Variants in SUPT20H observed in about 807,000 individuals in gnomAD.
SUPT20H encodes transcription factor SPT20 homolog.
In SUPT20H, 82 loss-of-function variants were observed where a neutral mutation model predicts 122.8. The observed-to-expected ratio is 0.67, with a 90% CI of 0.56 to 0.80. The LOEUF is 0.80. Ranked by LOEUF, SUPT20H falls within the 30% of genes least tolerant of loss-of-function variation. The pLI is 0.00. For missense variants in SUPT20H, 831 were observed against 921.6 expected, an observed-to-expected ratio of 0.90 and a Z score of 1.27; for synonymous variants, 291 against 313.0, an observed-to-expected ratio of 0.93 and a Z score of 0.74.
intron 1 of SUPT20H, among the ~76,000 whole-genome samples, chr13:37,055,182 G>A (rs145265825): frequency 8.8e-4 from 134 of 152,236 alleles, no homozygotes; most frequent in African/African-American, 2.9e-3. Context: ...CGTGAAAATC[G>A]CCATATTGCT....
At chr13:37,012,593 C>T (rs540304230) in intron 23 of SUPT20H, 1 of 197,930 alleles carries the variant, frequency 5.1e-6, no homozygotes, top group East Asian at 1.2e-4. Flanking sequence ...CTTAAAACAC[C>T]CTTTGTAACA....
intron 20 of SUPT20H, 33 bp downstream of exon 20, chr13:37,021,977 TA>T (rs771276481): frequency 1.7e-3 from 2,272 of 1,363,802 alleles, no homozygotes; most frequent in South Asian, 4.4e-3. Flanking sequence ...ACTATCTTTA[TA>T]AAAAAAAAAT....
chr13:37,026,550 T>C (rs1299869299), intron 15 of SUPT20H, among the ~76,000 whole-genome samples: 2 of 152,096 alleles, frequency 1.3e-5, no homozygotes, highest in South Asian at 2.1e-4. Context: ...CTTACAACTA[T>C]TGATCCTAAA....
At chr13:37,054,144 A>G (rs1566374051) in intron 1 of SUPT20H, among the ~76,000 whole-genome samples, 1 of 152,206 alleles carries the variant, frequency 6.6e-6, no homozygotes. Context: ...CCAACCAAAA[A>G]AAGTCCAGGA....
At chr13:37,042,350 G>T (rs2065627617) in intron 7 of SUPT20H, among the ~76,000 whole-genome samples, 3 of 152,146 alleles carry the variant, frequency 2.0e-5, no homozygotes, top group Admixed American at 2.0e-4. Context: ...GAATGGCCAT[G>T]GTGAGGCATA....
At chr13:37,038,284 A>T (rs2064873464) in intron 9 of SUPT20H, 1 of 152,110 alleles carries the variant, frequency 6.6e-6, no homozygotes, top group Non-Finnish European at 1.5e-5. Flanking sequence ...AAAGTCTATC[A>T]TTTCTTTTGC....
chr13:37,047,939 A>G lies in SUPT20H; in HGVS notation c.40-3T>C. On this transcript the variant is annotated splice_region_variant and splice_polypyrimidine_tract_variant and intron_variant, in intron 3 of 25. Transcript: ENST00000350612. ...TGTCGGGCACTTTCAATGACATACT[A>G]AAAAACAAAAGTTTATGAGAACAGC... 6.2e-7 allele frequency: 1 copy of G among 1,600,214 alleles called. No homozygotes were observed. The highest frequency in any genetic ancestry group is 8.5e-7 in the Non-Finnish European group (1 of 1,173,194).
intron 1 of SUPT20H, among the ~76,000 whole-genome samples, chr13:37,056,351 A>T (rs2069026249): frequency 6.6e-6 from 1 of 152,230 alleles, no homozygotes; most frequent in Non-Finnish European, 1.5e-5. Flanking sequence ...AGTAGCAAAG[A>T]CTTGGAACCA....
At chr13:37,023,181 T>C (rs770831928) in intron 19 of SUPT20H, 61 of 846,436 alleles carry the variant, frequency 7.2e-5, no homozygotes, top group Non-Finnish European at 9.0e-5. Context: ...TTCAGAAAAT[T>C]TATATATTTT....
intron 4 of SUPT20H, 58 bp downstream of exon 4, chr13:37,047,820 A>G (rs1298963410): frequency 1.3e-6 from 2 of 1,488,288 alleles, no homozygotes; most frequent in East Asian, 4.8e-5. Flanking sequence ...AATGCAATAA[A>G]AGGTAGCTAT....
chr13:37,047,744 C>T (rs986429329), intron 4 of SUPT20H, 134 bp downstream of exon 4: 9 of 1,210,994 alleles, frequency 7.4e-6, no homozygotes, highest in Middle Eastern at 2.7e-4. Flanking sequence ...TAGTAGCTAA[C>T]ATCAACTTAG....
intron 12 of SUPT20H, 86 bp downstream of exon 12, chr13:37,031,477 GTTTT>G (rs558757620): frequency 1.5e-6 from 1 of 684,272 alleles, no homozygotes; most frequent in Admixed American, 3.4e-5. Context: ...TTTAAAGTAA[GTTTT>G]TTTTTTGTTT....
intron 19 of SUPT20H, chr13:37,023,633 G>A (rs1431648528): frequency 6.5e-6 from 1 of 154,322 alleles, no homozygotes; most frequent in East Asian, 1.9e-4. Flanking sequence ...ACAAAGATAG[G>A]ACCTGCAGCA....
At chr13:37,042,418 G>A (rs1031807151) in intron 7 of SUPT20H, among the ~76,000 whole-genome samples, 6 of 152,012 alleles carry the variant, frequency 3.9e-5, no homozygotes, top group African/African-American at 1.5e-4. Flanking sequence ...AATCATTCAG[G>A]GAGAATATTA....
Position 37,042,580 on chromosome 13 carries a change from G to A in SUPT20H, c.396+1498C>T, listed in dbSNP as rs147131722. On this transcript the variant is annotated intron_variant, in intron 7 of 25. Coordinates refer to ENST00000350612, the MANE Select transcript of SUPT20H (RefSeq NM_001014286.3). ...AGAAGTCAACAGAAAGGCATTTCAA[G>A]CAGGACGCAGTTATATCCACTGATC... Among the ~76,000 whole-genome samples the A allele has an allele frequency of 5.3e-3, 810 of 152,294 alleles. 3 individuals carry two copies. The highest frequency in any genetic ancestry group is 7.2e-3 in the Non-Finnish European group (487 of 68,028).
chr13:37,040,218 T>C, intron 9 of SUPT20H, 187 bp downstream of exon 9: 1 of 483,656 alleles, frequency 2.1e-6, no homozygotes, highest in Non-Finnish European at 3.6e-6. Context: ...CTTAGGCAAC[T>C]TGAGGGATTA....
At chr13:37,017,587 T>C (rs1196901755) in intron 22 of SUPT20H, among the ~76,000 whole-genome samples, 2 of 152,234 alleles carry the variant, frequency 1.3e-5, no homozygotes, top group Non-Finnish European at 2.9e-5. Flanking sequence ...CTAATACTCT[T>C]AAACATAAAT....
Position 37,022,233 on chromosome 13 carries a change from C to G in SUPT20H, c.1592-153G>C. The G allele has an allele frequency of 6.4e-7, 1 of 1,561,018 alleles. No individual in the cohort carries two copies. The highest frequency in any genetic ancestry group is 8.7e-7 in the Non-Finnish European group (1 of 1,152,546). On this transcript the variant is annotated intron_variant, in intron 19 of 25. Coordinates refer to ENST00000350612, the MANE Select transcript of SUPT20H (RefSeq NM_001014286.3). The surrounding 1 kb of genome is among the most constrained non-coding windows in gnomAD (Gnocchi z 4.5). ...GGGAGTAGGGGTGGCTGAAGGGGTA[C>G]TAGGAGTTGAGCTCTGAGCATCAGG...
At chr13:37,030,764 C>A (rs774578620) in intron 12 of SUPT20H, among the ~76,000 whole-genome samples, 14 of 152,194 alleles carry the variant, frequency 9.2e-5, no homozygotes, top group Non-Finnish European at 1.5e-4. Context: ...AGTATTTACA[C>A]TGAAATTCTA....
Sources: gnomAD v4.1 joint callset for allele counts (sites outside exome capture counted in the v4.1 genomes callset) on GRCh38, gnomAD v4.1.1 for gene constraint, Gnocchi (gnomAD v3.1) non-coding constraint, MANE v1.5 for transcripts, NCBI Gene and HGNC (gene_info 2026-07-23, HGNC 2026-07-21) for gene names.